SSBP2: variants seen among roughly 807,000 people sequenced by gnomAD.
SSBP2 encodes single-stranded DNA-binding protein 2.
A neutral mutation model predicts 61.8 loss-of-function variants in SSBP2; 17 were observed. The observed-to-expected ratio is 0.28, with a 90% CI of 0.19 to 0.41. The LOEUF is 0.41. SSBP2 is among the 10% of genes least tolerant of loss of function. SSBP2 has a pLI of 1.00. For synonymous variants in SSBP2, 139 were observed against 141.3 expected, an observed-to-expected ratio of 0.98 and a Z score of 0.12; for missense variants, 310 against 458.7, an observed-to-expected ratio of 0.68 and a Z score of 2.96.
intron 3 of SSBP2, chr5:81,616,581 G>C (rs1412757194): frequency 6.8e-5 from 10 of 147,080 alleles, no homozygotes; most frequent in South Asian, 2.2e-4. Flanking sequence ...CGGGAAGCTC[G>C]AACTGGGTGG....
At chr5:81,502,001 A>G (rs903519595) in intron 5 of SSBP2, among the ~76,000 whole-genome samples, 1 of 151,466 alleles carries the variant, frequency 6.6e-6, no homozygotes, top group Non-Finnish European at 1.5e-5. Flanking sequence ...CCAACATTTC[A>G]CTCCTAGCAG....
intron 1 of SSBP2, among the ~76,000 whole-genome samples, chr5:81,748,307 A>G (rs957058383): frequency 6.6e-6 from 1 of 152,202 alleles, no homozygotes; most frequent in Non-Finnish European, 1.5e-5. Context: ...TTTGCTTACT[A>G]AAGGAGAATT....
chr5:81,568,038 G>A (rs1773568558), intron 4 of SSBP2, among the ~76,000 whole-genome samples: 1 of 152,138 alleles, frequency 6.6e-6, no homozygotes, highest in African/African-American at 2.4e-5. Flanking sequence ...ACTTTGGACT[G>A]TGGACTTTTG....
chr5:81,712,732 T>G (rs1015421755), intron 1 of SSBP2, among the ~76,000 whole-genome samples: 4 of 150,492 alleles, frequency 2.7e-5, no homozygotes, highest in Non-Finnish European at 4.4e-5. Flanking sequence ...TTCTTTGTTT[T>G]TTTTTTTTTG....
chr5:81,462,252 C>A (rs1482657151), intron 9 of SSBP2, among the ~76,000 whole-genome samples: 1 of 152,186 alleles, frequency 6.6e-6, no homozygotes, highest in African/African-American at 2.4e-5. Context: ...TCAAAGCCGT[C>A]CTGGGCCACA....
chr5:81,632,858 A>T (rs1747855038), intron 3 of SSBP2, among the ~76,000 whole-genome samples: 1 of 151,984 alleles, frequency 6.6e-6, no homozygotes, highest in South Asian at 2.1e-4. Context: ...ACCATTTCCC[A>T]CTTCCTACCT....
chr5:81,538,774 G>T (rs1771012265), intron 4 of SSBP2, among the ~76,000 whole-genome samples: 1 of 152,170 alleles, frequency 6.6e-6, no homozygotes, highest in Non-Finnish European at 1.5e-5. Context: ...AAGCCTGGGT[G>T]ACAGCACATC....
intron 1 of SSBP2, among the ~76,000 whole-genome samples, chr5:81,734,418 T>C (rs1052359923): frequency 2.0e-5 from 3 of 152,184 alleles, no homozygotes; most frequent in African/African-American, 7.2e-5. Flanking sequence ...ACCAGGCCAC[T>C]ACAACACATA....
upstream of SSBP2, chr5:81,751,247 C>G (rs763089061): frequency 1.8e-5 from 11 of 595,748 alleles, no homozygotes; most frequent in Non-Finnish European, 3.0e-5. Context: ...GCGGTGGCGG[C>G]TAAGCCTCAG....
rs192977394 is a variant in SSBP2, at chr5:81,464,361, T to C, written c.638+2613A>G. Among the ~76,000 whole-genome samples, 243 of 152,320 alleles carry C rather than the reference T, an allele frequency of 1.6e-3. 2 individuals are homozygous for C. The highest frequency in any genetic ancestry group is 2.9e-3 in the Non-Finnish European group (196 of 68,012). On this transcript the variant is annotated intron_variant, in intron 9 of 16. Coordinates refer to ENST00000320672, the MANE Select transcript of SSBP2 (RefSeq NM_012446.5). ...GCATTAGAAAATTATATTTTGGCCA[T>C]AACTTATAAATGCTACTTTAAATTA...
intron 8 of SSBP2, among the ~76,000 whole-genome samples, chr5:81,470,502 CAT>C (rs1765180819): frequency 1.3e-5 from 2 of 151,466 alleles, no homozygotes; most frequent in African/African-American, 2.4e-5. Context: ...GTATTAATCA[CAT>C]GTTAACTATA....
In SSBP2 at chr5:81,493,711, A is replaced by G. The variant is rs542815633; in HGVS notation, c.373-4402T>C. Among the ~76,000 whole-genome samples the G allele has an allele frequency of 7.2e-5, 11 of 151,974 alleles. No individual in the cohort carries two copies. In the East Asian group the frequency reaches 2.1e-3, roughly 30 times the overall value. On this transcript the variant is annotated intron_variant, in intron 5 of 16. Coordinates refer to ENST00000320672, the MANE Select transcript of SSBP2 (RefSeq NM_012446.5). ...GCCGGGGTTGCAGTGAGCCAAGACC[A>G]TGCCATTGCATTCCAGCCTGGGTGG...
chr5:81,681,337 T>C (rs1752362147), intron 1 of SSBP2, among the ~76,000 whole-genome samples: 3 of 152,032 alleles, frequency 2.0e-5, no homozygotes, highest in African/African-American at 7.2e-5. Flanking sequence ...CTGGCCAACG[T>C]GGCAAAACCC....
intron 2 of SSBP2, among the ~76,000 whole-genome samples, chr5:81,643,944 T>C (rs184100064): frequency 1.3e-5 from 2 of 152,294 alleles, no homozygotes; most frequent in Non-Finnish European, 1.5e-5. Flanking sequence ...AGGCAATAGA[T>C]GTTTAACAGG....
chr5:81,444,916 A>T (rs1763274837), intron 12 of SSBP2, among the ~76,000 whole-genome samples: 1 of 151,524 alleles, frequency 6.6e-6, no homozygotes, highest in Admixed American at 6.6e-5. Flanking sequence ...TGAGGTTAGG[A>T]GTTCCAGACC....
rs557804821 is a variant in SSBP2, at chr5:81,416,731, C to G, written c.*3773G>C. 1 of 152,250 alleles carries G rather than the reference C, an allele frequency of 6.6e-6. No individual in the cohort carries two copies. Among genetic ancestry groups the G allele is most frequent in the South Asian group, 2.1e-4 (1 of 4,818 alleles). The allele number at this position is 152,250 out of a possible 1,614,324, so 9.4% of individuals were successfully genotyped here. On this transcript the variant is annotated 3_prime_UTR_variant, in exon 17 of 17. Coordinates refer to ENST00000320672, the MANE Select transcript of SSBP2 (RefSeq NM_012446.5). ...TAACCCTATGAAATGCAATGGAGTT[C>G]AGATATCTTAGAGAATCATAAAAAT...
At chr5:81,488,837 C>T (rs1046332660) in intron 6 of SSBP2, among the ~76,000 whole-genome samples, 4 of 150,948 alleles carry the variant, frequency 2.6e-5, no homozygotes, top group African/African-American at 4.9e-5. Flanking sequence ...GTTCTTTAAA[C>T]GGGAGGATAA....
At chr5:81,510,783 GA>G (rs1288673864) in intron 5 of SSBP2, among the ~76,000 whole-genome samples, 12 of 151,994 alleles carry the variant, frequency 7.9e-5, no homozygotes, top group Non-Finnish European at 1.3e-4. Context: ...AATTCACTTG[GA>G]GTACTGTAAA....
intron 4 of SSBP2, among the ~76,000 whole-genome samples, chr5:81,550,291 T>G (rs1772072424): frequency 1.3e-5 from 2 of 152,224 alleles, no homozygotes; most frequent in South Asian, 4.1e-4. Context: ...TTCTCCTGTT[T>G]GGTTTTGACT....
Sources: gnomAD v4.1 joint callset for allele counts (sites outside exome capture counted in the v4.1 genomes callset) on GRCh38, gnomAD v4.1.1 for gene constraint, MANE v1.5 for transcripts, NCBI Gene and HGNC (gene_info 2026-07-23, HGNC 2026-07-21) for gene names.